RASSF9: variants seen among roughly 807,000 people sequenced by gnomAD.
The protein encoded by RASSF9 is ras association domain-containing protein 9.
RASSF9 carries 18 observed loss-of-function variants against 21.4 expected under a neutral mutation model. That is an observed-to-expected ratio of 0.84 (90% confidence interval 0.58 to 1.25). The LOEUF (loss-of-function observed/expected upper bound fraction) is 1.25. Among genes scored for constraint, RASSF9 ranks in the 50% most tolerant of loss-of-function variants. The pLI, the probability that RASSF9 is intolerant of heterozygous loss-of-function variation, is 0.00. For synonymous variants in RASSF9, 183 were observed against 179.1 expected, an observed-to-expected ratio of 1.02 and a Z score of -0.18; for missense variants, 480 against 503.2, an observed-to-expected ratio of 0.95 and a Z score of 0.44.
rs1173101253 is a variant in RASSF9 at position 85,805,585 on chromosome 12, T to C, written c.425A>G (p.Glu142Gly). The C allele has an allele frequency of 6.2e-7, 1 of 1,613,930 alleles. No homozygotes were observed. The highest frequency in any genetic ancestry group is 1.7e-5 in the Admixed American group (1 of 60,010). The part of the protein sequence containing the change: ...KLVQNTEKLW[E>G]LSPANYMKTL... ...CTTCATGTAGTTTGCTGGGCTGAGCTCCCACAATTTTTCTGTGTTTTGCAC... is the reference window on the plus strand; with the variant it reads ...CTTCATGTAGTTTGCTGGGCTGAGCCCCCACAATTTTTCTGTGTTTTGCAC... The change falls in exon 2 of 2, where the codon GAG becomes GGG. Residue 142 changes from glutamate to glycine, a missense_variant. Coordinates refer to ENST00000361228, the MANE Select transcript of RASSF9 (RefSeq NM_005447.4).
At chr12:85,831,524 C>T (rs997936756) in intron 1 of RASSF9, among the ~76,000 whole-genome samples, 2 of 151,964 alleles carry the variant, frequency 1.3e-5, no homozygotes, top group African/African-American at 2.4e-5. Context: ...TAAAGCATTC[C>T]AGTCATTGTT....
At chr12:85,820,933 C>G (rs972488820) in intron 1 of RASSF9, among the ~76,000 whole-genome samples, 2 of 151,948 alleles carry the variant, frequency 1.3e-5, no homozygotes, top group Non-Finnish European at 2.9e-5. Context: ...ATCACGAGGT[C>G]AAGAGATCCA....
Position 85,813,579 on chromosome 12 carries a change from A to T in RASSF9, c.48-7617T>A, listed in dbSNP as rs148419637. Among the ~76,000 whole-genome samples the T allele has an allele frequency of 2.6e-3, 395 of 151,900 alleles. 1 individual carries two copies. The highest frequency in any genetic ancestry group is 9.1e-3 in the African/African-American group (379 of 41,524). On this transcript the variant is annotated intron_variant, in intron 1 of 1. Transcript: ENST00000361228. ...GGTAGAGAAAAATGAAGATAAATGG[A>T]TATAATTTGGCAATCTTTATTCAGT... is the stretch of plus-strand genomic sequence containing the variant.
chr12:85,825,498 A>C (rs145048824), intron 1 of RASSF9, among the ~76,000 whole-genome samples: 1 of 152,184 alleles, frequency 6.6e-6, no homozygotes, highest in African/African-American at 2.4e-5. Flanking sequence ...TAAAAGTTTT[A>C]TTGAAACACA....
chr12:85,833,621 A>G (rs2136565561), intron 1 of RASSF9, among the ~76,000 whole-genome samples: 1 of 152,096 alleles, frequency 6.6e-6, no homozygotes, highest in Non-Finnish European at 1.5e-5. Flanking sequence ...ATGCAGAAAA[A>G]TTCTGTAAGC....
At chr12:85,806,042 T>C in intron 1 of RASSF9, 80 bp from the exon 2 acceptor site, 1 of 1,436,806 alleles carries the variant, frequency 7.0e-7, no homozygotes. Flanking sequence ...TTAGTATGCT[T>C]TCTAGATTTT....
intron 1 of RASSF9, among the ~76,000 whole-genome samples, chr12:85,829,484 C>T (rs1207762602): frequency 6.6e-6 from 1 of 151,988 alleles, no homozygotes; most frequent in Non-Finnish European, 1.5e-5. Context: ...TATTGTTTTC[C>T]ACCAACTCAA....
chr12:85,821,309 A>G (rs991920141), intron 1 of RASSF9, among the ~76,000 whole-genome samples: 2 of 152,196 alleles, frequency 1.3e-5, no homozygotes, highest in African/African-American at 4.8e-5. Flanking sequence ...TAACTGATTA[A>G]TTTTACACAG....
intron 1 of RASSF9, among the ~76,000 whole-genome samples, chr12:85,830,792 T>C (rs1437052628): frequency 6.6e-6 from 1 of 152,150 alleles, no homozygotes; most frequent in African/African-American, 2.4e-5. Context: ...TTTATATTAG[T>C]AATCACTTTC....
rs189360429 is a variant in RASSF9 at position 85,824,326 on chromosome 12, C to T, written c.47+11829G>A. Among the ~76,000 whole-genome samples, 13 of 152,180 alleles carry T rather than the reference C, an allele frequency of 8.5e-5. No homozygotes were observed. The East Asian group carries it at 2.5e-3, about 29-fold the overall frequency. ...AGTTTTCCTAAACACTTTCCTTTGC[C>T]TCTCTCCTCTTACTTTAACAACCAA... On this transcript the variant is annotated intron_variant, in intron 1 of 1. Coordinates refer to ENST00000361228, the MANE Select transcript of RASSF9 (RefSeq NM_005447.4).
rs1276750212 is a variant in RASSF9 at position 85,805,554 on chromosome 12, T to C, written c.456A>G (p.Leu152=). 2 of 1,613,948 alleles carry C rather than the reference T, an allele frequency of 1.2e-6. No homozygotes were observed. The highest frequency in any genetic ancestry group is 1.7e-6 in the Non-Finnish European group (2 of 1,179,894). ...CTATTCTTTTTTGTTTATCTGGTGG[T>C]AAAGTCTTCATGTAGTTTGCTGGGC... is the stretch of plus-strand genomic sequence containing the variant. The part of the protein sequence containing the change: ...ELSPANYMKT[L]PPDKQKRIVR... Residue 152 remains leucine, a synonymous_variant, in exon 2 of 2, where the codon TTA becomes TTG. Transcript: ENST00000361228.
chr12:85,834,409 A>T (rs1428292582), intron 1 of RASSF9, among the ~76,000 whole-genome samples: 5 of 152,138 alleles, frequency 3.3e-5, no homozygotes, highest in Admixed American at 1.3e-4. Flanking sequence ...GAAAACTTTT[A>T]AAAAATGTTT....
chr12:85,819,079 G>T (rs1200356010), intron 1 of RASSF9, among the ~76,000 whole-genome samples: 1 of 151,686 alleles, frequency 6.6e-6, no homozygotes, highest in African/African-American at 2.4e-5. Context: ...TTAAAAACTG[G>T]ATTAAACAAA....
intron 1 of RASSF9, among the ~76,000 whole-genome samples, chr12:85,821,392 A>T (rs1880207956): frequency 6.6e-6 from 1 of 152,204 alleles, no homozygotes; most frequent in Non-Finnish European, 1.5e-5. Context: ...AGAGATAAAC[A>T]CAGAACTCAT....
At chr12:85,815,795 GT>G (rs1361016800) in intron 1 of RASSF9, among the ~76,000 whole-genome samples, 1 of 151,724 alleles carries the variant, frequency 6.6e-6, no homozygotes, top group Non-Finnish European at 1.5e-5. Context: ...GGATTGTTTG[GT>G]TTTTTTCTTG....
Position 85,808,402 on chromosome 12 carries a change from C to T in RASSF9, c.48-2440G>A, listed in dbSNP as rs140299125. On this transcript the variant is annotated intron_variant, in intron 1 of 1. Coordinates refer to ENST00000361228, the MANE Select transcript of RASSF9 (RefSeq NM_005447.4). ...ATAAAATATTTTGCACTTAATGACT[C>T]AATACTGAGTATTATATTTTGAAGT... Among the ~76,000 whole-genome samples, 385 of 152,050 alleles carry T rather than the reference C, an allele frequency of 2.5e-3. 3 individuals are homozygous for T. The highest frequency in any genetic ancestry group is 8.7e-3 in the African/African-American group (360 of 41,494).
Position 85,804,482 on chromosome 12 carries a change from G to A in RASSF9, c.*220C>T. On this transcript the variant is annotated 3_prime_UTR_variant, in exon 2 of 2. Transcript: ENST00000361228. ...TGTGTTCTACAACGACAAGCTATTT[G>A]TGCTGCATTCGTGATAAATAGTTCA... The A allele has an allele frequency of 2.2e-6, 1 of 452,334 alleles. No homozygotes were observed. The highest frequency in any genetic ancestry group is 3.9e-6 in the Non-Finnish European group (1 of 258,648). The allele number at this position is 452,334 out of a possible 1,614,324, so 28.0% of individuals were successfully genotyped here.
At position 85,804,285 on chromosome 12, in the gene RASSF9, A is replaced by C. The variant is rs966806884; in HGVS notation, c.*417T>G. The C allele has an allele frequency of 6.3e-6, 1 of 158,120 alleles. No homozygotes were observed. The highest frequency in any genetic ancestry group is 2.4e-5 in the African/African-American group (1 of 41,602). 9.8% of individuals were successfully genotyped at this position (158,120 alleles called of 1,614,324 possible). Reference sequence around the variant, plus strand: ...CTCCCATATACTTTACAGATTTAAAAATTCCAATTATACAGTGTTGGAAAA... The same window carrying C: ...CTCCCATATACTTTACAGATTTAAACATTCCAATTATACAGTGTTGGAAAA... On this transcript the variant is annotated 3_prime_UTR_variant, in exon 2 of 2. Transcript: ENST00000361228.
At chr12:85,830,607 G>T (rs1235974945) in intron 1 of RASSF9, among the ~76,000 whole-genome samples, 1 of 151,762 alleles carries the variant, frequency 6.6e-6, no homozygotes, top group Non-Finnish European at 1.5e-5. Context: ...ATAAAAGCAG[G>T]GTGCATTCTA....
Sources: gnomAD v4.1 joint callset for allele counts (sites outside exome capture counted in the v4.1 genomes callset) on GRCh38, gnomAD v4.1.1 for gene constraint, MANE v1.5 for transcripts, NCBI Gene and HGNC (gene_info 2026-07-23, HGNC 2026-07-21) for gene names.